ZNF804A: variants seen among roughly 807,000 people sequenced by gnomAD.
The protein encoded by ZNF804A is zinc finger protein 804A.
In ZNF804A, 2 loss-of-function variants were observed where a neutral mutation model predicts 16.5. The ratio of observed to expected loss-of-function variants is 0.12; its 90% confidence interval spans 0.05 to 0.38. ZNF804A has a LOEUF of 0.38. Ranked by LOEUF, ZNF804A falls within the 10% of genes least tolerant of loss-of-function variation. The pLI is 0.99. For synonymous variants in ZNF804A, 534 were observed against 489.6 expected, an observed-to-expected ratio of 1.09 and a Z score of -1.20; for missense variants, 1,473 against 1,390.7, an observed-to-expected ratio of 1.06 and a Z score of -0.94.
intron 1 of ZNF804A, among the ~76,000 whole-genome samples, chr2:184,635,968 A>T (rs1300150982): frequency 6.6e-6 from 1 of 152,180 alleles, no homozygotes; most frequent in Non-Finnish European, 1.5e-5. Context: ...ATTTGAAAAT[A>T]CTGGAATTCT....
intron 2 of ZNF804A, among the ~76,000 whole-genome samples, chr2:184,896,668 T>TA (rs756887097): frequency 6.6e-5 from 10 of 152,162 alleles, no homozygotes; most frequent in Non-Finnish European, 1.3e-4. Context: ...CATTGGTCAA[T>TA]ATGGCAGTTT....
chr2:184,804,559 A>T (rs924253268), intron 1 of ZNF804A, among the ~76,000 whole-genome samples: 1 of 152,220 alleles, frequency 6.6e-6, no homozygotes, highest in Non-Finnish European at 1.5e-5. Flanking sequence ...TCATATGCAC[A>T]TTGTAGTTTG....
chr2:184,785,170 C>CT (rs1203497425), intron 1 of ZNF804A, among the ~76,000 whole-genome samples: 1 of 151,940 alleles, frequency 6.6e-6, no homozygotes, highest in Non-Finnish European at 1.5e-5. Flanking sequence ...TACAAATGGC[C>CT]TACCCTCCTT....
intron 2 of ZNF804A, among the ~76,000 whole-genome samples, chr2:184,930,929 G>A (rs1685688311): frequency 6.6e-6 from 1 of 152,184 alleles, no homozygotes; most frequent in South Asian, 2.1e-4. Flanking sequence ...ATAAAGTAAA[G>A]AGGTTTGACT....
At chr2:184,800,180 G>C (rs1394957046) in intron 1 of ZNF804A, among the ~76,000 whole-genome samples, 1 of 151,566 alleles carries the variant, frequency 6.6e-6, no homozygotes, top group Non-Finnish European at 1.5e-5. Flanking sequence ...CTTTCTTCTT[G>C]GTTTAACTGG....
chr2:184,614,832 T>A (rs1559108612), intron 1 of ZNF804A, among the ~76,000 whole-genome samples: 1 of 152,054 alleles, frequency 6.6e-6, no homozygotes, highest in South Asian at 2.1e-4. Flanking sequence ...AAAACCACAA[T>A]GAGATACCAT....
intron 1 of ZNF804A, among the ~76,000 whole-genome samples, chr2:184,835,244 G>A (rs1345874990): frequency 2.0e-5 from 3 of 152,140 alleles, no homozygotes; most frequent in Non-Finnish European, 2.9e-5. Context: ...CAGCAGTGTA[G>A]AGCAGCAGCA....
chr2:184,694,033 G>T (rs777244589), intron 1 of ZNF804A, among the ~76,000 whole-genome samples: 23 of 150,024 alleles, frequency 1.5e-4, no homozygotes, highest in Non-Finnish European at 2.5e-4. Context: ...AGGTTCAAGT[G>T]ATGCTCCTGC....
chr2:184,610,336 AGAGT>A (rs1211700853), intron 1 of ZNF804A, among the ~76,000 whole-genome samples: 5 of 152,328 alleles, frequency 3.3e-5, no homozygotes, highest in Non-Finnish European at 4.4e-5. Context: ...CTAAGACATC[AGAGT>A]GAGTAAGTTT....
chr2:184,720,458 C>T (rs1448614472), intron 1 of ZNF804A, among the ~76,000 whole-genome samples: 2 of 152,134 alleles, frequency 1.3e-5, no homozygotes, highest in East Asian at 3.9e-4. Context: ...TTTCTACACA[C>T]CAATAATGAA....
intron 1 of ZNF804A, among the ~76,000 whole-genome samples, chr2:184,798,006 A>ATG (rs58199746): frequency 0.1 from 13,291 of 133,204 alleles, 647 homozygotes; most frequent in African/African-American, 0.12. Context: ...TGGCTGATAT[A>ATG]TGTGTGTGTG....
intron 2 of ZNF804A, among the ~76,000 whole-genome samples, chr2:184,869,062 G>C (rs571626511): frequency 2.0e-5 from 3 of 151,928 alleles, no homozygotes; most frequent in Admixed American, 2.0e-4. Context: ...GTGCTCATTT[G>C]GACATTTCGG....
At chr2:184,913,923 T>C (rs1317948236) in intron 2 of ZNF804A, among the ~76,000 whole-genome samples, 1 of 152,170 alleles carries the variant, frequency 6.6e-6, no homozygotes, top group African/African-American at 2.4e-5. Flanking sequence ...TTTCTTGGAT[T>C]ATGGATTGTT....
chr2:184,681,813 C>T (rs1304492743), intron 1 of ZNF804A, among the ~76,000 whole-genome samples: 2 of 152,224 alleles, frequency 1.3e-5, no homozygotes, highest in Non-Finnish European at 2.9e-5. Context: ...TGCAGCTGCC[C>T]AGATGTGGCT....
At position 184,936,232 on chromosome 2, in the gene ZNF804A, A is replaced by C. The variant is rs769668989; in HGVS notation, c.836A>C (p.His279Pro). The C allele has an allele frequency of 3.2e-5, 51 of 1,613,924 alleles. No individual in the cohort carries two copies. The East Asian group carries it at 1.1e-3, about 35-fold the overall frequency. ...TCTGAGGAGAAAACTAACTCTTTTCATCCACCAGAGGCAATGTGCAGAGAC... is the reference window on the plus strand; with the variant it reads ...TCTGAGGAGAAAACTAACTCTTTTCCTCCACCAGAGGCAATGTGCAGAGAC... ...LSSEEKTNSFHPPEAMCRDKE... is the reference protein window; with the variant it reads ...LSSEEKTNSFPPPEAMCRDKE... The change falls in exon 4 of 4, where the codon CAT (histidine) becomes CCT (proline). Residue 279 changes from histidine (H) to proline (P), a missense_variant. Transcript: ENST00000302277.
At chr2:184,622,266 T>C (rs1292175862) in intron 1 of ZNF804A, among the ~76,000 whole-genome samples, 3 of 151,856 alleles carry the variant, frequency 2.0e-5, no homozygotes, top group Non-Finnish European at 3.0e-5. Flanking sequence ...TTATATTGTG[T>C]CATGAAATAG....
At chr2:184,907,539 G>A (rs906105164) in intron 2 of ZNF804A, among the ~76,000 whole-genome samples, 1 of 151,628 alleles carries the variant, frequency 6.6e-6, no homozygotes, top group Non-Finnish European at 1.5e-5. Flanking sequence ...CCATCACTTC[G>A]CCTCTGTAGC....
intron 2 of ZNF804A, among the ~76,000 whole-genome samples, chr2:184,881,420 G>A (rs751545419): frequency 3.3e-5 from 5 of 151,736 alleles, no homozygotes; most frequent in Non-Finnish European, 7.4e-5. Flanking sequence ...GAAATGCAGA[G>A]AACAAGATAC....
At chr2:184,626,678 TA>T (rs1266040226) in intron 1 of ZNF804A, among the ~76,000 whole-genome samples, 1 of 152,202 alleles carries the variant, frequency 6.6e-6, no homozygotes, top group Non-Finnish European at 1.5e-5. Context: ...GAATAGCCCC[TA>T]AACCCTCTGT....
Sources: gnomAD v4.1 joint callset for allele counts (sites outside exome capture counted in the v4.1 genomes callset) on GRCh38, gnomAD v4.1.1 for gene constraint, MANE v1.5 for transcripts, NCBI Gene and HGNC (gene_info 2026-07-23, HGNC 2026-07-21) for gene names.